PTGR1: variants seen among roughly 807,000 people sequenced by gnomAD.
The protein encoded by PTGR1 is 15-oxoprostaglandin 13-reductase.
Under a neutral mutation model 37.7 loss-of-function variants are expected in PTGR1, and 23 were observed. The observed-to-expected ratio is 0.61, with a 90% CI of 0.44 to 0.86. PTGR1 has a LOEUF of 0.86. Among genes scored for constraint, PTGR1 ranks in the 40% least tolerant of loss-of-function variants. The pLI, the probability that PTGR1 is intolerant of heterozygous loss-of-function variation, is 0.00. For missense variants in PTGR1, 351 were observed against 394.3 expected (o/e 0.89, Z 0.93); for synonymous variants, 134 against 140.0 (o/e 0.96, Z 0.30).
At position 111,574,841 on chromosome 9, in the gene PTGR1, A is replaced by G. The variant is rs1452950464; in HGVS notation, c.653T>C (p.Val218Ala). 8.1e-6 allele frequency: 13 copies of G among 1,606,786 alleles called. No homozygotes were observed. The highest frequency in any genetic ancestry group is 1.1e-5 in the South Asian group (1 of 90,426). Reference sequence around the variant, plus strand: ...AACAGTGTTTGAAAACTCTCCACCTACCTAAACAGATAGCAAAGACAAAAT... The same window carrying G: ...AACAGTGTTTGAAAACTCTCCACCTGCCTAAACAGATAGCAAAGACAAAAT... ...PDGYDCYFDN[V>A]GGEFSNTVIG... The change falls in exon 8 of 10, where the codon GTA (valine) becomes GCA (alanine). Residue 218 changes from valine (V) to alanine (A), a missense_variant and splice_region_variant. Physicochemically the swap from Val to Ala is moderately conservative, Grantham distance 64 (BLOSUM62 0). Coordinates refer to ENST00000407693, the MANE Select transcript of PTGR1 (RefSeq NM_001146108.2).
intron 9 of PTGR1, among the ~76,000 whole-genome samples, chr9:111,550,658 CT>C (rs1197469922): frequency 6.6e-6 from 1 of 152,212 alleles, no homozygotes; most frequent in African/African-American, 2.4e-5. Flanking sequence ...CTGGGCCACT[CT>C]ATCCATGTCT....
chr9:111,578,602 G>C (rs1332795577), intron 7 of PTGR1, among the ~76,000 whole-genome samples, 194 bp downstream of exon 7: 1 of 152,158 alleles, frequency 6.6e-6, no homozygotes, highest in African/African-American at 2.4e-5. Context: ...AGCTCAGGCA[G>C]TAATGGGAGC....
chr9:111,564,618 T>C (rs1828472505), intron 9 of PTGR1, among the ~76,000 whole-genome samples: 1 of 151,896 alleles, frequency 6.6e-6, no homozygotes, highest in Non-Finnish European at 1.5e-5. Flanking sequence ...GATTTGAACT[T>C]TTGACTTGAA....
intron 2 of PTGR1, among the ~76,000 whole-genome samples, chr9:111,595,582 C>T (rs1254447960): frequency 1.3e-5 from 2 of 152,092 alleles, no homozygotes; most frequent in African/African-American, 4.8e-5. Context: ...TGATTGCGTC[C>T]CCTTTTCTCA....
chr9:111,561,873 T>G, downstream of PTGR1, among the ~76,000 whole-genome samples: 1 of 152,248 alleles, frequency 6.6e-6, no homozygotes, highest in East Asian at 1.9e-4. Flanking sequence ...TGCTGTTGTT[T>G]TTTTGTTTTG....
In PTGR1 at chr9:111,578,791, C is replaced by G. The variant is rs980451662; in HGVS notation, c.651+5G>C. 1.9e-6 allele frequency: 3 copies of G among 1,600,086 alleles called. No individual in the cohort carries two copies. The highest frequency in any genetic ancestry group is 2.7e-5 in the African/African-American group (2 of 73,810). ...AATTAGATATTAAGTCCAGTTTGTA[C>G]TTACATTATCAAAATAACAATCATA... On this transcript the variant is annotated splice_donor_5th_base_variant and intron_variant, in intron 7 of 9. Coordinates refer to ENST00000407693, the MANE Select transcript of PTGR1 (RefSeq NM_001146108.2).
At position 111,562,825 on chromosome 9, in the gene PTGR1, A is replaced by T; in HGVS notation, c.*296T>A. On this transcript the variant is annotated 3_prime_UTR_variant, in exon 10 of 10. Coordinates refer to ENST00000407693, the MANE Select transcript of PTGR1 (RefSeq NM_001146108.2). ...CATGTGTTCTCATTGTTCAGCTCCC[A>T]CTTATGAATGAAAACATACAGTGTT... 2 of 555,406 alleles carry T rather than the reference A, an allele frequency of 3.6e-6. No individual in the cohort carries two copies. The highest frequency in any genetic ancestry group is 5.1e-6 in the Non-Finnish European group (2 of 392,054). 34.4% of individuals were successfully genotyped at this position (555,406 alleles called of 1,614,324 possible). A position where few individuals can be genotyped will look rare whatever the true frequency, so the allele number is the denominator to read the frequency against.
chr9:111,552,149 T>C (rs553790103), intron 9 of PTGR1, among the ~76,000 whole-genome samples: 1 of 152,362 alleles, frequency 6.6e-6, no homozygotes, highest in Admixed American at 6.5e-5. Flanking sequence ...TTGTCTTTGA[T>C]TGAATATTTG....
intron 8 of PTGR1, among the ~76,000 whole-genome samples, chr9:111,573,235 A>G (rs1175113016): frequency 6.6e-6 from 1 of 152,240 alleles, no homozygotes; most frequent in East Asian, 1.9e-4. Flanking sequence ...TGGCAGGCAG[A>G]CAATTTCCCA....
chr9:111,569,460 T>G (rs1240919707), intron 9 of PTGR1, among the ~76,000 whole-genome samples: 3 of 152,218 alleles, frequency 2.0e-5, no homozygotes, highest in Admixed American at 6.5e-5. Context: ...TTTCACTATG[T>G]AAGGGTCCCC....
intron 8 of PTGR1, among the ~76,000 whole-genome samples, chr9:111,572,756 CA>C (rs58101079): frequency 0.034 from 2,128 of 63,492 alleles, 17 homozygotes; most frequent in African/African-American, 0.13. Context: ...GACCCTGTCT[CA>C]AAAAAAAAAA....
At chr9:111,552,194 T>C (rs1035438505) in intron 9 of PTGR1, among the ~76,000 whole-genome samples, 5 of 152,236 alleles carry the variant, frequency 3.3e-5, no homozygotes, top group African/African-American at 9.6e-5. Flanking sequence ...AAATCTTGAA[T>C]TGGATTTTCT....
intron 4 of PTGR1, among the ~76,000 whole-genome samples, chr9:111,591,609 A>C (rs1253722765): frequency 1.3e-5 from 2 of 151,902 alleles, no homozygotes; most frequent in African/African-American, 4.8e-5. Flanking sequence ...ACCTCAAGTG[A>C]ACTGCCCACC....
chr9:111,560,572 C>T (rs778389719), downstream of PTGR1, among the ~76,000 whole-genome samples: 1 of 123,674 alleles, frequency 8.1e-6, no homozygotes, highest in Non-Finnish European at 1.6e-5. Flanking sequence ...ACCCGGGAGG[C>T]GGAGGTTGCA....
chr9:111,586,243 T>C, intron 4 of PTGR1, 78 bp from the exon 5 acceptor site: 1 of 1,430,630 alleles, frequency 7.0e-7, no homozygotes. Flanking sequence ...GCTGTGTGGT[T>C]AGTGTTGACA....
chr9:111,583,523 A>C lies in PTGR1; in HGVS notation c.444T>G (p.Asn148Lys). ...CTGAGCCCACAGCTCCAGCTGCTGC[A>C]TTAACCATCACTGTTTCTCCACCCT... is the stretch of plus-strand genomic sequence containing the variant. ...GVKGGETVMV[N>K]AAAGAVGSVV... is the part of the protein sequence containing the mutation. The change falls in exon 6 of 10, where the codon AAT becomes AAG. Residue 148 changes from asparagine (N) to lysine (K), a missense_variant. Coordinates refer to ENST00000407693, the MANE Select transcript of PTGR1 (RefSeq NM_001146108.2). 6.2e-7 allele frequency: 1 copy of C among 1,614,200 alleles called. No homozygotes were observed. The highest frequency in any genetic ancestry group is 8.5e-7 in the Non-Finnish European group (1 of 1,179,994).
chr9:111,571,656 TTTTGTTTGTTTG>T (rs112914784), intron 8 of PTGR1, among the ~76,000 whole-genome samples: 1 of 151,276 alleles, frequency 6.6e-6, no homozygotes, highest in Non-Finnish European at 1.5e-5. Context: ...TTTTTTTAGT[TTTTGTTTGTTTG>T]TTTGTTTGTT....
intron 2 of PTGR1, among the ~76,000 whole-genome samples, chr9:111,596,721 C>T (rs1829792487): frequency 6.6e-6 from 1 of 151,508 alleles, no homozygotes; most frequent in Non-Finnish European, 1.5e-5. Context: ...GAGATTGCTC[C>T]ACTGCAATCC....
At chr9:111,583,083 A>G (rs910528190) in intron 6 of PTGR1, among the ~76,000 whole-genome samples, 1 of 152,228 alleles carries the variant, frequency 6.6e-6, no homozygotes, top group Non-Finnish European at 1.5e-5. Context: ...TTCTAGTACA[A>G]CAGCCTTGGC....
Sources: gnomAD v4.1 joint callset for allele counts (sites outside exome capture counted in the v4.1 genomes callset) on GRCh38, gnomAD v4.1.1 for gene constraint, MANE v1.5 for transcripts, NCBI Gene and HGNC (gene_info 2026-07-23, HGNC 2026-07-21) for gene names.